Variants in AKAP13 observed in about 807,000 individuals in gnomAD.
The protein encoded by AKAP13 is A-kinase anchor protein 13.
A neutral mutation model predicts 264.5 loss-of-function variants in AKAP13; 80 were observed. The observed-to-expected ratio is 0.30, with a 90% CI of 0.25 to 0.36. The LOEUF is 0.36. AKAP13 is among the 10% of genes least tolerant of loss of function. The pLI is 1.00. For synonymous variants in AKAP13, 1,380 were observed against 1,250.2 expected (o/e 1.10, Z -2.19); for missense variants, 3,712 against 3,435.2 (o/e 1.08, Z -2.01).
At chr15:85,490,974 A>T (rs532178752) in intron 2 of AKAP13, among the ~76,000 whole-genome samples, 2 of 152,208 alleles carry the variant, frequency 1.3e-5, no homozygotes, top group Admixed American at 6.5e-5. Flanking sequence ...AGGAGCCAGC[A>T]TGTGAAGCTC....
At chr15:85,574,212 A>G (rs549826263) in intron 5 of AKAP13, among the ~76,000 whole-genome samples, 22 of 152,334 alleles carry the variant, frequency 1.4e-4, no homozygotes, top group African/African-American at 4.8e-4. Context: ...CTCAAGTACA[A>G]TAGTTAATAA....
intron 17 of AKAP13, among the ~76,000 whole-genome samples, chr15:85,696,026 C>T (rs975815567): frequency 6.6e-6 from 1 of 152,212 alleles, no homozygotes; most frequent in Non-Finnish European, 1.5e-5. Flanking sequence ...ACATTTTTAG[C>T]ATACTCACAT....
chr15:85,744,981 G>A lies in AKAP13; in HGVS notation c.*304G>A, dbSNP rs1217799192. ...AAGTACAGGTGATGGTTTTGGACAC[G>A]TCAGGAATTCCTAAAGGCTGAAAGA... On this transcript the variant is annotated 3_prime_UTR_variant, in exon 37 of 37. Transcript: ENST00000394518. The A allele has an allele frequency of 1.7e-5, 5 of 288,304 alleles. No individual in the cohort carries two copies. The highest frequency in any genetic ancestry group is 2.6e-5 in the Non-Finnish European group (4 of 154,416). 17.9% of individuals were successfully genotyped at this position (288,304 alleles called of 1,614,324 possible).
rs1597205078 is a variant in AKAP13, at chr15:85,730,515, C to G, written c.7090C>G (p.Gln2364Glu). 11 of 1,613,386 alleles carry G rather than the reference C, an allele frequency of 6.8e-6. No individual in the cohort carries two copies. The East Asian group carries it at 2.5e-4, about 36-fold the overall frequency. The change falls in exon 30 of 37, where the codon CAA becomes GAA. Residue 2364 changes from glutamine to glutamate, a missense_variant and splice_region_variant. Around this residue, in one of 3 missense-constraint regions of AKAP13, gnomAD observed 342 missense variants for 484.3 expected, o/e 0.71. Transcript: ENST00000394518. ...LDTRARELKE[Q>E]LHQKDQKILL... ...AGATCATTTTCTCCTTCCTGCAGAA[C>G]AACTTCACCAGAAGGACCAAAAAAT...
At chr15:85,741,647 G>A (rs2088972489) in intron 35 of AKAP13, 152 bp downstream of exon 35, 3 of 1,228,162 alleles carry the variant, frequency 2.4e-6, no homozygotes, top group East Asian at 3.3e-5. Context: ...AGGCTGAGGT[G>A]AGAGGGTAGC....
At chr15:85,455,889 G>C (rs376215315) in intron 1 of AKAP13, among the ~76,000 whole-genome samples, 4 of 152,132 alleles carry the variant, frequency 2.6e-5, no homozygotes, top group Non-Finnish European at 4.4e-5. Context: ...TGGGACTTAG[G>C]ATGTATCTCT....
chr15:85,702,326 G>A (rs2151670339), intron 17 of AKAP13: 1 of 152,176 alleles, frequency 6.6e-6, no homozygotes, highest in African/African-American at 2.4e-5. Context: ...TCTTCTCAAA[G>A]GAACCAAAGT....
At chr15:85,498,415 A>G (rs2075949966) in intron 2 of AKAP13, among the ~76,000 whole-genome samples, 2 of 152,114 alleles carry the variant, frequency 1.3e-5, no homozygotes. Context: ...TTTACTGAAC[A>G]CCTTCCTTGT....
intron 8 of AKAP13, among the ~76,000 whole-genome samples, chr15:85,589,096 T>TG (rs2079479939): frequency 1.3e-5 from 2 of 152,188 alleles, no homozygotes; most frequent in African/African-American, 4.8e-5. Flanking sequence ...TTCTCCGTGG[T>TG]GCTCTGACAA....
intron 14 of AKAP13, among the ~76,000 whole-genome samples, chr15:85,673,971 G>T (rs1045047451): frequency 6.6e-6 from 1 of 151,520 alleles, no homozygotes; most frequent in Admixed American, 6.6e-5. Flanking sequence ...GATTACAGGC[G>T]TGAGCCACCG....
At chr15:85,386,280 C>G (rs1206557744) in intron 1 of AKAP13, among the ~76,000 whole-genome samples, 1 of 151,898 alleles carries the variant, frequency 6.6e-6, no homozygotes, top group Non-Finnish European at 1.5e-5. Flanking sequence ...AGACTTTCCC[C>G]TATATTTCCT....
intron 2 of AKAP13, among the ~76,000 whole-genome samples, chr15:85,517,407 C>G (rs979521569): frequency 2.0e-5 from 3 of 152,062 alleles, no homozygotes; most frequent in Non-Finnish European, 4.4e-5. Context: ...CCTCAGACCA[C>G]TAGTATCTTG....
chr15:85,655,594 G>T lies in AKAP13; in HGVS notation c.4552G>T (p.Ala1518Ser). Residue 1518 changes from alanine (A) to serine (S), a missense_variant, in exon 11 of 37, where the codon GCT becomes TCT. Around this residue, in one of 3 missense-constraint regions of AKAP13, gnomAD observed 2,759 missense variants for 2,411.7 expected, o/e 1.14. Transcript: ENST00000394518. ...TGGATTCTACAGCCATGGGATGGGA[G>T]CTGAGGGTCGAGAAAGTGAGAGTGA... ...LDGFYSHGMG[A>S]EGRESESEPA... The T allele has an allele frequency of 6.2e-7, 1 of 1,614,238 alleles. No individual in the cohort carries two copies. Among genetic ancestry groups the T allele is most frequent in the Non-Finnish European group, 8.5e-7 (1 of 1,180,034 alleles).
At chr15:85,478,317 G>C (rs1320576923) in intron 1 of AKAP13, among the ~76,000 whole-genome samples, 1 of 150,778 alleles carries the variant, frequency 6.6e-6, no homozygotes, top group Non-Finnish European at 1.5e-5. Context: ...CCTAAACACG[G>C]AAAAGATTAT....
Position 85,516,539 on chromosome 15 carries a change from A to G in AKAP13, c.34-4889A>G, listed in dbSNP as rs143608850. ...TTACCTATAACCTGTGATGGTTTGT[A>G]CTTGACTAGGGTTTTGTCTTATAGC... On this transcript the variant is annotated intron_variant, in intron 2 of 36. Coordinates refer to ENST00000394518, the MANE Select transcript of AKAP13 (RefSeq NM_007200.5). Among the ~76,000 whole-genome samples the G allele has an allele frequency of 3.9e-4, 59 of 152,282 alleles. 1 individual carries two copies. In the East Asian group the frequency reaches 7.7e-3, roughly 20 times the overall value.
At chr15:85,678,168 A>G (rs2084359997) in intron 14 of AKAP13, among the ~76,000 whole-genome samples, 1 of 152,220 alleles carries the variant, frequency 6.6e-6, no homozygotes, top group South Asian at 2.1e-4. Context: ...AGAATATTCC[A>G]GGATTGCTTT....
At chr15:85,683,817 G>A (rs1228126092) in intron 15 of AKAP13, among the ~76,000 whole-genome samples, 1 of 152,174 alleles carries the variant, frequency 6.6e-6, no homozygotes. Context: ...ACCTAAGTTA[G>A]AACATGCCCA....
At position 85,748,223 on chromosome 15, in the gene AKAP13, C is replaced by A. The variant is rs1207035178; in HGVS notation, c.*3546C>A. On this transcript the variant is annotated 3_prime_UTR_variant, in exon 37 of 37. Transcript: ENST00000394518. ...TGCCCAGAGGACAGCCAGGCAGGCCCTGGGAGGGAGTTTAGAAAGACAGTC... is the reference window on the plus strand; with the variant it reads ...TGCCCAGAGGACAGCCAGGCAGGCCATGGGAGGGAGTTTAGAAAGACAGTC... 6.6e-6 allele frequency: 1 copy of A among 152,280 alleles called. No homozygotes were observed. Among genetic ancestry groups the A allele is most frequent in the African/African-American group, 2.4e-5 (1 of 41,424 alleles). 9.4% of individuals were successfully genotyped at this position (152,280 alleles called of 1,614,324 possible).
intron 2 of AKAP13, among the ~76,000 whole-genome samples, chr15:85,489,458 A>G (rs1012133991): frequency 3.3e-5 from 5 of 152,190 alleles, no homozygotes; most frequent in African/African-American, 1.2e-4. Context: ...AACTGAGTCA[A>G]GTTGCAGGGA....
Sources: allele counts gnomAD v4.1 joint callset (sites outside exome capture counted in the v4.1 genomes callset), GRCh38; gene constraint gnomAD v4.1.1; regional missense constraint gnomAD v4.1.1; transcripts MANE v1.5; gene names NCBI Gene and HGNC (gene_info 2026-07-23, HGNC 2026-07-21).